Variants in NRG3 observed in about 807,000 individuals in gnomAD.
NRG3 encodes the protein pro-neuregulin-3, membrane-bound isoform.
In NRG3, 31 loss-of-function variants were observed where a neutral mutation model predicts 66.9. The observed-to-expected ratio is 0.46, with a 90% confidence interval of 0.35 to 0.63. NRG3 has a LOEUF of 0.63. Ranked by LOEUF, NRG3 falls within the 20% of genes least tolerant of loss-of-function variation. NRG3 has a pLI of 0.00. For synonymous variants in NRG3, 393 were observed against 359.4 expected, an observed-to-expected ratio of 1.09 and a Z score of -1.06; for missense variants, 910 against 878.9, an observed-to-expected ratio of 1.04 and a Z score of -0.45.
At chr10:82,363,986 T>A (rs1255789415) in intron 2 of NRG3, among the ~76,000 whole-genome samples, 2 of 152,048 alleles carry the variant, frequency 1.3e-5, no homozygotes, top group Non-Finnish European at 2.9e-5. Context: ...TATAGTAGAA[T>A]CCTAATTCTG....
In NRG3 at chr10:82,094,657, G is replaced by A. The variant is rs191962139; in HGVS notation, c.823+218494G>A. Among the ~76,000 whole-genome samples the A allele has an allele frequency of 6.6e-5, 10 of 152,204 alleles. No individual in the cohort carries two copies. The East Asian group carries it at 1.7e-3, about 26-fold the overall frequency. ...ATATATATCTGTCACATTTCATGGC[G>A]AGATATATATATCACATTTCATGGT... On this transcript the variant is annotated intron_variant, in intron 1 of 8. Transcript: ENST00000372141.
chr10:81,879,422 A>G (rs1257172188), intron 1 of NRG3, among the ~76,000 whole-genome samples: 1 of 152,220 alleles, frequency 6.6e-6, no homozygotes, highest in Non-Finnish European at 1.5e-5. Context: ...TTTGAAATAT[A>G]GTTGTACAAT....
At chr10:81,953,942 A>G (rs763709439) in intron 1 of NRG3, among the ~76,000 whole-genome samples, 1 of 152,216 alleles carries the variant, frequency 6.6e-6, no homozygotes, top group Non-Finnish European at 1.5e-5. Context: ...GAAGTCAGAT[A>G]TATTGAATTA....
At chr10:82,687,668 T>C (rs2054615398) in intron 2 of NRG3, among the ~76,000 whole-genome samples, 1 of 152,048 alleles carries the variant, frequency 6.6e-6, no homozygotes, top group Admixed American at 6.6e-5. Flanking sequence ...TTGGTGAAGA[T>C]ATGTGATGTG....
At position 82,985,252 on chromosome 10, in the gene NRG3, G is replaced by C; in HGVS notation, c.1738G>C (p.Val580Leu). Residue 580 changes from valine (V) to leucine (L), a missense_variant, in exon 9 of 9, where the codon GTG (valine) becomes CTG (leucine). Physicochemically the swap from Val to Leu is conservative, Grantham distance 32. Transcript: ENST00000372141. ...CAGTTCTGTGCCCATCATCCCTTCA[G>C]TGGGTTTAGAGGAAACCTGCCTGCA... is the stretch of plus-strand genomic sequence containing the variant. ...RASSVPIIPSVGLEETCLQMP... is the reference protein window; with the variant it reads ...RASSVPIIPSLGLEETCLQMP... 2 of 1,614,166 alleles carry C rather than the reference G, an allele frequency of 1.2e-6. No homozygotes were observed. The highest frequency in any genetic ancestry group is 1.7e-6 in the Non-Finnish European group (2 of 1,180,018).
intron 3 of NRG3, among the ~76,000 whole-genome samples, chr10:82,755,888 G>C (rs752677398): frequency 1.3e-5 from 2 of 152,062 alleles, no homozygotes; most frequent in Non-Finnish European, 2.9e-5. Flanking sequence ...AGCTTTACTT[G>C]TTCCTTGTAA....
intron 2 of NRG3, among the ~76,000 whole-genome samples, chr10:82,526,236 T>TA (rs1488157242): frequency 2.0e-5 from 3 of 151,734 alleles, no homozygotes; most frequent in Non-Finnish European, 4.4e-5. Flanking sequence ...AATTGCAGGA[T>TA]AAAAAATGCT....
At chr10:82,009,044 T>C (rs1382971101) in intron 1 of NRG3, among the ~76,000 whole-genome samples, 2 of 152,214 alleles carry the variant, frequency 1.3e-5, no homozygotes, top group African/African-American at 4.8e-5. Flanking sequence ...AACTACAGTT[T>C]CGTTAAGATG....
chr10:81,978,469 A>C (rs1564707205), intron 1 of NRG3, among the ~76,000 whole-genome samples: 1 of 152,196 alleles, frequency 6.6e-6, no homozygotes, highest in Non-Finnish European at 1.5e-5. Flanking sequence ...AGGTTAAGGC[A>C]AAGACAACCC....
chr10:82,058,428 C>G (rs2063961616), intron 1 of NRG3, among the ~76,000 whole-genome samples: 1 of 151,804 alleles, frequency 6.6e-6, no homozygotes, highest in Admixed American at 6.6e-5. Context: ...GATATTTCTT[C>G]TAGTTCTTCC....
chr10:82,201,285 G>A (rs1229667760), intron 1 of NRG3, among the ~76,000 whole-genome samples: 1 of 151,642 alleles, frequency 6.6e-6, no homozygotes, highest in Non-Finnish European at 1.5e-5. Context: ...GGACTCCATG[G>A]CCAGAGGGAA....
Position 81,932,939 on chromosome 10 carries a change from T to G in NRG3, c.823+56776T>G, listed in dbSNP as rs1343037806. 2.0e-5 allele frequency among the ~76,000 whole-genome samples: 3 copies of G among 152,062 alleles called. No individual in the cohort carries two copies. The East Asian group carries it at 5.8e-4, about 30-fold the overall frequency. ...CTGGCCAAGATGGTGAAACCCCATCTCTACTAAAAGTACAAGAAAGTTAGC... is the reference window on the plus strand; with the variant it reads ...CTGGCCAAGATGGTGAAACCCCATCGCTACTAAAAGTACAAGAAAGTTAGC... On this transcript the variant is annotated intron_variant, in intron 1 of 8. Coordinates refer to ENST00000372141, the MANE Select transcript of NRG3 (RefSeq NM_001010848.4).
chr10:82,452,806 C>T (rs2091079416), intron 2 of NRG3, among the ~76,000 whole-genome samples: 1 of 152,136 alleles, frequency 6.6e-6, no homozygotes, highest in African/African-American at 2.4e-5. Flanking sequence ...ACTGTCAAGT[C>T]TCCCTGAGTA....
At chr10:82,979,749 A>C (rs548408440) in intron 8 of NRG3, among the ~76,000 whole-genome samples, 1 of 152,296 alleles carries the variant, frequency 6.6e-6, no homozygotes, top group Non-Finnish European at 1.5e-5. Context: ...TGAGTACAGG[A>C]TGAATGTTAA....
intron 2 of NRG3, among the ~76,000 whole-genome samples, chr10:82,732,834 C>G (rs1171614638): frequency 6.6e-6 from 1 of 152,220 alleles, no homozygotes; most frequent in Non-Finnish European, 1.5e-5. Flanking sequence ...GCCAGACGAT[C>G]TTTCCATTTT....
chr10:81,878,309 A>G (rs1325272441), intron 1 of NRG3, among the ~76,000 whole-genome samples: 3 of 152,206 alleles, frequency 2.0e-5, no homozygotes, highest in African/African-American at 7.2e-5. Flanking sequence ...AACCTTTACA[A>G]GAAGTTGAAT....
At chr10:82,891,076 T>C (rs1478154534) in intron 4 of NRG3, among the ~76,000 whole-genome samples, 3 of 152,070 alleles carry the variant, frequency 2.0e-5, no homozygotes, top group African/African-American at 7.2e-5. Context: ...AACATTATAC[T>C]TTTTCTACAA....
intron 4 of NRG3, among the ~76,000 whole-genome samples, chr10:82,882,286 G>A (rs1418915020): frequency 6.6e-6 from 1 of 152,126 alleles, no homozygotes; most frequent in Non-Finnish European, 1.5e-5. Flanking sequence ...AGACACAAAC[G>A]ACATTATCTC....
intron 1 of NRG3, among the ~76,000 whole-genome samples, chr10:82,056,039 G>A (rs1277396906): frequency 6.6e-6 from 1 of 152,170 alleles, no homozygotes; most frequent in African/African-American, 2.4e-5. Flanking sequence ...GACCACTTGA[G>A]GCTAATGGTC....
Sources: allele counts gnomAD v4.1 joint callset (sites outside exome capture counted in the v4.1 genomes callset), GRCh38; gene constraint gnomAD v4.1.1; transcripts MANE v1.5; gene names NCBI Gene and HGNC (gene_info 2026-07-23, HGNC 2026-07-21).